Variants in CFAP70 observed in about 807,000 individuals in gnomAD.
The protein encoded by CFAP70 is cilia and flagella associated protein 70.
In CFAP70, 81 loss-of-function variants were observed where a neutral mutation model predicts 137.6. The ratio of observed to expected loss-of-function variants is 0.59; its 90% CI spans 0.49 to 0.71. CFAP70 has a LOEUF of 0.71. Ranked by LOEUF, CFAP70 falls within the 30% of genes least tolerant of loss-of-function variation. The pLI, the probability that CFAP70 is intolerant of heterozygous loss-of-function variation, is 0.00. For synonymous variants in CFAP70, 382 were observed against 423.6 expected, an observed-to-expected ratio of 0.90 and a Z score of 1.20; for missense variants, 976 against 1,226.7, an observed-to-expected ratio of 0.80 and a Z score of 3.05.
intron 8 of CFAP70, 49 bp downstream of exon 9, chr10:73,331,128 G>T (rs1401343400): frequency 2.3e-6 from 3 of 1,325,120 alleles, no homozygotes; most frequent in Middle Eastern, 3.7e-4. Context: ...AACAGGTCGG[G>T]TCTGATTCTA....
chr10:73,318,097 A>G (rs917879495), intron 9 of CFAP70, among the ~76,000 whole-genome samples: 2 of 152,208 alleles, frequency 1.3e-5, no homozygotes, highest in African/African-American at 4.8e-5. Context: ...CCACTGGATC[A>G]TCTTTCATGC....
intron 9 of CFAP70, among the ~76,000 whole-genome samples, chr10:73,317,722 C>T (rs2050510763): frequency 6.6e-6 from 1 of 152,026 alleles, no homozygotes; most frequent in African/African-American, 2.4e-5. Flanking sequence ...TAGTTTGGCT[C>T]TTTATCCTCT....
intron 25 of CFAP70, among the ~76,000 whole-genome samples, chr10:73,259,786 T>G (rs2044956776): frequency 6.6e-6 from 1 of 152,124 alleles, no homozygotes; most frequent in East Asian, 1.9e-4. Context: ...ATCCCCGCAC[T>G]TTGCAAGGCT....
intron 19 of CFAP70, among the ~76,000 whole-genome samples, chr10:73,284,053 T>A (rs776881272): frequency 1.1e-4 from 16 of 152,168 alleles, no homozygotes; most frequent in Non-Finnish European, 1.8e-4. Flanking sequence ...AAACATATTA[T>A]CTCATAGTTC....
At chr10:73,324,679 C>A (rs1049913483) in intron 8 of CFAP70, among the ~76,000 whole-genome samples, 1 of 151,960 alleles carries the variant, frequency 6.6e-6, no homozygotes, top group Non-Finnish European at 1.5e-5. Context: ...TCGAGAACTA[C>A]GTGAAGAATG....
chr10:73,275,539 T>G lies in CFAP70; in HGVS notation c.2580A>C (p.Glu860Asp). 2 of 1,611,804 alleles carry G rather than the reference T, an allele frequency of 1.2e-6. No individual in the cohort carries two copies. Among genetic ancestry groups the G allele is most frequent in the Non-Finnish European group, 1.7e-6 (2 of 1,179,198 alleles). The change falls in exon 22 of 27, where the codon GAA becomes GAC. Residue 860 changes from glutamate to aspartate, a missense_variant. By Grantham distance (45) the Glu-to-Asp change is conservative. Transcript: ENST00000310715. This position sits in a 1 kb window ranked among gnomAD's most constrained non-coding sequence, Gnocchi z 4.0. ...GTGTTTGGGCCAGCACCAAGTAATA[T>G]TCACAGCTGGGGCCTCCTTGAGGGC...
At chr10:73,339,319 T>G (rs2053018827) in intron 6 of CFAP70, among the ~76,000 whole-genome samples, 2 of 152,234 alleles carry the variant, frequency 1.3e-5, no homozygotes, top group African/African-American at 4.8e-5. Flanking sequence ...TTCTAAATGC[T>G]TCTGTCTCTG....
chr10:73,310,278 C>G (rs775810140), intron 11 of CFAP70, 29 bp from the exon 13 acceptor site: 9 of 1,507,982 alleles, frequency 6.0e-6, no homozygotes, highest in Admixed American at 1.9e-5. Flanking sequence ...CTTATTATTT[C>G]CAGAAAAAAA....
intron 12 of CFAP70, among the ~76,000 whole-genome samples, chr10:73,308,628 CAAAA>C (rs201416589): frequency 7.8e-5 from 5 of 64,194 alleles, no homozygotes; most frequent in South Asian, 4.7e-4. Flanking sequence ...AACTCCGTCT[CAAAA>C]AAAAAAAAAA....
chr10:73,341,475 C>T (rs1564872273), exon 6 of CFAP70: 2 of 1,614,176 alleles, frequency 1.2e-6, no homozygotes, highest in African/African-American at 1.3e-5. Flanking sequence ...GTTATTAGCT[C>T]CTGGAGCCAG....
chr10:73,274,381 A>C, intron 23 of CFAP70, 52 bp downstream of exon 24: 1 of 1,538,464 alleles, frequency 6.5e-7, no homozygotes, highest in Non-Finnish European at 8.7e-7. Context: ...TAATGCTTGA[A>C]TTACAATTAG....
chr10:73,358,502 A>G (rs1463325056), intron 1 of CFAP70, among the ~76,000 whole-genome samples: 2 of 152,238 alleles, frequency 1.3e-5, no homozygotes, highest in Admixed American at 6.5e-5. Context: ...AGGAAGGTCT[A>G]CGTCCGCGCT....
intron 6 of CFAP70, among the ~76,000 whole-genome samples, 171 bp downstream of exon 7, chr10:73,341,228 G>C (rs982490612): frequency 6.6e-6 from 1 of 152,134 alleles, no homozygotes; most frequent in African/African-American, 2.4e-5. Context: ...TTTGTTTTCT[G>C]GACTTAAGAA....
chr10:73,299,104 A>T lies in CFAP70; in HGVS notation c.1318-3T>A. Reference sequence around the variant, plus strand: ...TGTATGTGGTAGTCACTCACTGCCTAAGAAAATACAAAACATCTGGTAGAC... The same window carrying T: ...TGTATGTGGTAGTCACTCACTGCCTTAGAAAATACAAAACATCTGGTAGAC... On this transcript the variant is annotated splice_region_variant and splice_polypyrimidine_tract_variant and intron_variant, in intron 13 of 26. Transcript: ENST00000310715. 6.2e-7 allele frequency: 1 copy of T among 1,602,148 alleles called. No individual in the cohort carries two copies. The highest frequency in any genetic ancestry group is 8.5e-7 in the Non-Finnish European group (1 of 1,174,458).
intron 16 of CFAP70, 117 bp downstream of exon 17, chr10:73,293,146 A>T: frequency 8.7e-7 from 1 of 1,145,300 alleles, no homozygotes; most frequent in Non-Finnish European, 1.2e-6. Flanking sequence ...TTTGGACTTT[A>T]TTGTTCTATG....
At chr10:73,349,871 TAC>T (rs1473252910) in intron 3 of CFAP70, among the ~76,000 whole-genome samples, 1 of 152,198 alleles carries the variant, frequency 6.6e-6, no homozygotes, top group Non-Finnish European at 1.5e-5. Context: ...TCAAATAAAT[TAC>T]AGACATCATG....
rs567465584 is a variant in CFAP70, at chr10:73,303,021, C to T, written c.1257-3356G>A. Among the ~76,000 whole-genome samples the T allele has an allele frequency of 2.6e-4, 39 of 151,536 alleles. 1 individual carries two copies. In the South Asian group the frequency reaches 6.5e-3, roughly 25 times the overall value. The stretch of plus-strand genomic sequence containing the variant: ...CAGCAACCCCACCGCCCCCCACCAC[C>T]GGGTAGCTCGGACTACAGGTATGCA... On this transcript the variant is annotated intron_variant, in intron 12 of 26. Coordinates refer to ENST00000310715, the Ensembl canonical transcript of CFAP70.
At chr10:73,339,721 G>A (rs2053072371) in intron 6 of CFAP70, among the ~76,000 whole-genome samples, 1 of 152,244 alleles carries the variant, frequency 6.6e-6, no homozygotes, top group South Asian at 2.1e-4. Flanking sequence ...CGAGGCTGTG[G>A]CTGAACCAGG....
chr10:73,320,534 G>T (rs901167713), intron 9 of CFAP70, among the ~76,000 whole-genome samples: 4 of 151,972 alleles, frequency 2.6e-5, no homozygotes, highest in African/African-American at 7.3e-5. Flanking sequence ...CTGCTATTTT[G>T]CCCTGGGTGG....
Sources: allele counts gnomAD v4.1 joint callset (sites outside exome capture counted in the v4.1 genomes callset), GRCh38; gene constraint gnomAD v4.1.1; non-coding constraint Gnocchi (gnomAD v3.1); transcripts MANE v1.5; gene names NCBI Gene and HGNC (gene_info 2026-07-23, HGNC 2026-07-21).